RPTOR: variants seen among roughly 807,000 people sequenced by gnomAD.
RPTOR encodes the protein regulatory associated protein of MTOR complex 1, also known as regulatory-associated protein of mTOR.
In RPTOR, 21 loss-of-function variants were observed where a neutral mutation model predicts 169.9. The observed-to-expected ratio is 0.12, with a 90% CI of 0.09 to 0.18. The LOEUF is 0.18. Among genes scored for constraint, RPTOR ranks in the 10% least tolerant of loss-of-function variants. RPTOR has a pLI of 1.00. For missense variants in RPTOR, 1,133 were observed against 1,855.9 expected (o/e 0.61, Z 7.16); for synonymous variants, 732 against 753.2 (o/e 0.97, Z 0.46).
intron 25 of RPTOR, among the ~76,000 whole-genome samples, chr17:80,944,357 C>G (rs1198663365): frequency 1.3e-5 from 2 of 152,248 alleles, no homozygotes; most frequent in African/African-American, 4.8e-5. Context: ...TATTCTGAAA[C>G]TTTAGCACTT....
At chr17:80,737,803 T>TCCCCCCCCCCCCCCCCCCCCCCCCC (rs1567883256) in intron 5 of RPTOR, among the ~76,000 whole-genome samples, 1 of 137,110 alleles carries the variant, frequency 7.3e-6, no homozygotes, top group African/African-American at 3.0e-5. Flanking sequence ...TCTCTTTTTC[T>TCCCCCCCCCCCCCCCCCCCCCCCCC]CCCCCGCCCC....
At chr17:80,671,352 C>G (rs1028019712) in intron 3 of RPTOR, among the ~76,000 whole-genome samples, 3 of 152,174 alleles carry the variant, frequency 2.0e-5, no homozygotes, top group East Asian at 1.9e-4. Context: ...TGAAGCATCT[C>G]GGTTAAATCA....
At chr17:80,683,577 G>A (rs1297164225) in intron 3 of RPTOR, among the ~76,000 whole-genome samples, 1 of 152,144 alleles carries the variant, frequency 6.6e-6, no homozygotes, top group Admixed American at 6.5e-5. Context: ...CGTGATGGTT[G>A]CCAAATGCTG....
At chr17:80,625,888 C>T (rs1286928037) in intron 2 of RPTOR, 95 bp downstream of exon 2, 26 of 814,782 alleles carry the variant, frequency 3.2e-5, no homozygotes, top group Middle Eastern at 3.6e-4. Flanking sequence ...TCCAGGGGCC[C>T]GTCTCCAGCT....
chr17:80,591,167 T>TCCCCTCCCCTCCCCTCCCC (rs2065102616), intron 1 of RPTOR, among the ~76,000 whole-genome samples: 1 of 2,218 alleles, frequency 4.5e-4, no homozygotes, highest in Admixed American at 6.3e-3. Context: ...CTCCCCTCCC[T>TCCCCTCCCCTCCCCTCCCC]TCCCTTCCCC....
At position 80,945,073 on chromosome 17, in the gene RPTOR, C is replaced by T. The variant is rs369621673; in HGVS notation, c.3026-594C>T. 8.6e-4 allele frequency among the ~76,000 whole-genome samples: 130 copies of T among 151,802 alleles called. 1 individual carries two copies. The South Asian group carries it at 0.011, about 13-fold the overall frequency. ...CTTGAGGAGGCCGAGGCGGGAGGAT[C>T]GCTCGAGCCCAGGAATTTGAGACTA... On this transcript the variant is annotated intron_variant, in intron 25 of 33. Transcript: ENST00000306801.
chr17:80,828,540 C>T (rs1279494150), intron 9 of RPTOR, among the ~76,000 whole-genome samples: 1 of 152,216 alleles, frequency 6.6e-6, no homozygotes, highest in East Asian at 1.9e-4. Context: ...GACCTGAGGC[C>T]CCTAACCCCG....
At chr17:80,617,437 A>G (rs1234950407) in intron 1 of RPTOR, among the ~76,000 whole-genome samples, 1 of 152,248 alleles carries the variant, frequency 6.6e-6, no homozygotes, top group African/African-American at 2.4e-5. Flanking sequence ...TGTAAAGGAC[A>G]TATACTATTT....
In RPTOR at chr17:80,883,991, C is replaced by T; in HGVS notation, c.1842+19C>T. The T allele has an allele frequency of 6.2e-7, 1 of 1,600,468 alleles. No individual in the cohort carries two copies. The highest frequency in any genetic ancestry group is 8.5e-7 in the Non-Finnish European group (1 of 1,171,866). On this transcript the variant is annotated intron_variant, in intron 16 of 33. Coordinates refer to ENST00000306801, the MANE Select transcript of RPTOR (RefSeq NM_020761.3). Reference sequence around the variant, plus strand: ...TCCCGAGGTGAGTCAGGCGGGGGCTCAGAGTCCAGTCCTCCTGGCTGCCGA... The same window carrying T: ...TCCCGAGGTGAGTCAGGCGGGGGCTTAGAGTCCAGTCCTCCTGGCTGCCGA...
intron 3 of RPTOR, among the ~76,000 whole-genome samples, chr17:80,685,615 ATATATATATATATTTTTTTTT>A (rs1231110397): frequency 2.0e-3 from 23 of 11,346 alleles, no homozygotes; most frequent in Non-Finnish European, 3.5e-3. Flanking sequence ...ATATATATAT[ATATATATATATATTTTTTTTT>A]TTTTTTTTTT....
At chr17:80,841,273 C>T (rs917893647) in intron 10 of RPTOR, among the ~76,000 whole-genome samples, 2 of 110,778 alleles carry the variant, frequency 1.8e-5, no homozygotes, top group East Asian at 3.9e-4. Flanking sequence ...GCAGCTCACT[C>T]TCACCGCACG....
chr17:80,792,140 T>G (rs1046024787), intron 7 of RPTOR, among the ~76,000 whole-genome samples: 4 of 152,122 alleles, frequency 2.6e-5, no homozygotes, highest in Admixed American at 6.5e-5. Flanking sequence ...TTCTGTTTGT[T>G]TGTGCACCGG....
intron 20 of RPTOR, among the ~76,000 whole-genome samples, chr17:80,906,962 C>G (rs1486038915): frequency 1.3e-5 from 2 of 152,198 alleles, no homozygotes; most frequent in African/African-American, 4.8e-5. Flanking sequence ...ATATCTGGAG[C>G]TGAAGTAGAG....
At chr17:80,783,975 A>G (rs943422820) in intron 6 of RPTOR, among the ~76,000 whole-genome samples, 7 of 152,204 alleles carry the variant, frequency 4.6e-5, no homozygotes, top group African/African-American at 1.7e-4. Flanking sequence ...TAATAATACT[A>G]AAAGGCATAC....
At chr17:80,924,368 A>G (rs1395972820) in intron 23 of RPTOR, among the ~76,000 whole-genome samples, 1 of 152,136 alleles carries the variant, frequency 6.6e-6, no homozygotes, top group Non-Finnish European at 1.5e-5. Context: ...CAGCATGATC[A>G]TCTCAGCAAT....
At chr17:80,887,679 T>C (rs1237814051) in intron 17 of RPTOR, among the ~76,000 whole-genome samples, 2 of 152,124 alleles carry the variant, frequency 1.3e-5, no homozygotes, top group Admixed American at 6.5e-5. Context: ...AGGAGGGTGT[T>C]ACTGCTGCTT....
chr17:80,765,521 C>T (rs1243566646), intron 6 of RPTOR, among the ~76,000 whole-genome samples: 1 of 152,194 alleles, frequency 6.6e-6, no homozygotes, highest in Non-Finnish European at 1.5e-5. Context: ...ACTCATCTAA[C>T]ACCACACGCC....
At chr17:80,814,494 T>C (rs2067304470) in intron 7 of RPTOR, among the ~76,000 whole-genome samples, 1 of 152,186 alleles carries the variant, frequency 6.6e-6, no homozygotes, top group African/African-American at 2.4e-5. Flanking sequence ...ATGATTTGTA[T>C]TATCTTGTTT....
At chr17:80,937,554 A>T (rs2068969444) in intron 24 of RPTOR, among the ~76,000 whole-genome samples, 1 of 152,186 alleles carries the variant, frequency 6.6e-6, no homozygotes, top group South Asian at 2.1e-4. Flanking sequence ...GTCTGAGTGG[A>T]AGCCAAGAGG....
Sources: allele counts gnomAD v4.1 joint callset (sites outside exome capture counted in the v4.1 genomes callset), GRCh38; gene constraint gnomAD v4.1.1; transcripts MANE v1.5; gene names NCBI Gene and HGNC (gene_info 2026-07-23, HGNC 2026-07-21).